Variants in SLC25A48 observed in about 807,000 individuals in gnomAD.
The protein encoded by SLC25A48 is solute carrier family 25 member 48, also known as CTC-321K16.1.
A neutral mutation model predicts 32.2 loss-of-function variants in SLC25A48; 29 were observed. That is an observed-to-expected ratio of 0.90 (90% CI 0.67 to 1.23). The LOEUF (loss-of-function observed/expected upper bound fraction) is 1.23, where lower values mean the gene tolerates loss of function less well. Among genes scored for constraint, SLC25A48 ranks in the 50% most tolerant of loss-of-function variants. SLC25A48 has a pLI of 0.00. For synonymous variants in SLC25A48, 164 were observed against 172.3 expected (o/e 0.95, Z 0.38); for missense variants, 399 against 422.7 (o/e 0.94, Z 0.49).
At chr5:135,647,577 C>T (rs1752994695) in intron 3 of SLC25A48, among the ~76,000 whole-genome samples, 1 of 152,180 alleles carries the variant, frequency 6.6e-6, no homozygotes, top group African/African-American at 2.4e-5. Context: ...CAGTGCTCTA[C>T]CCACCCTCAG....
At chr5:135,653,521 G>C (rs1017001452) in intron 3 of SLC25A48, among the ~76,000 whole-genome samples, 1 of 152,184 alleles carries the variant, frequency 6.6e-6, no homozygotes, top group Non-Finnish European at 1.5e-5. Context: ...ACTAAGCATG[G>C]GGAAGCACAG....
At chr5:135,668,971 G>A (rs565067823) in intron 3 of SLC25A48, among the ~76,000 whole-genome samples, 2 of 152,308 alleles carry the variant, frequency 1.3e-5, no homozygotes, top group South Asian at 4.1e-4. Flanking sequence ...GGCAGGACAA[G>A]TGTTTGGGTT....
intron 7 of SLC25A48, among the ~76,000 whole-genome samples, chr5:135,887,777 C>T (rs1009123523): frequency 2.0e-5 from 3 of 152,072 alleles, no homozygotes; most frequent in Non-Finnish European, 4.4e-5. Context: ...CATCAGCCAC[C>T]TGTGCTCTTG....
chr5:135,622,274 C>T (rs73789295), intron 1 of SLC25A48, among the ~76,000 whole-genome samples: 1 of 152,138 alleles, frequency 6.6e-6, no homozygotes, highest in Non-Finnish European at 1.5e-5. Flanking sequence ...TATCAAGAGC[C>T]TGAAAAATAT....
chr5:135,795,429 C>G (rs545461123), intron 3 of SLC25A48, among the ~76,000 whole-genome samples: 2 of 151,758 alleles, frequency 1.3e-5, no homozygotes, highest in Non-Finnish European at 2.9e-5. Context: ...GATATTGTTC[C>G]TAATATCCAG....
intron 3 of SLC25A48, among the ~76,000 whole-genome samples, chr5:135,773,044 G>C (rs75875287): frequency 1.4e-5 from 2 of 145,962 alleles, no homozygotes; most frequent in Non-Finnish European, 3.0e-5. Context: ...TACACTTCCC[G>C]GTAATATTGT....
intron 1 of SLC25A48, among the ~76,000 whole-genome samples, chr5:135,841,419 A>T (rs1758975329): frequency 6.6e-6 from 1 of 152,114 alleles, no homozygotes; most frequent in Non-Finnish European, 1.5e-5. Flanking sequence ...TGTGTAGGGG[A>T]GTTAGAGATA....
intron 3 of SLC25A48, among the ~76,000 whole-genome samples, chr5:135,705,885 A>T (rs975512064): frequency 2.0e-5 from 3 of 152,152 alleles, no homozygotes; most frequent in Non-Finnish European, 4.4e-5. Context: ...CCATCTGGCC[A>T]CACTGGCAGG....
At chr5:135,682,400 A>C (rs1047077742) in intron 3 of SLC25A48, among the ~76,000 whole-genome samples, 4 of 152,136 alleles carry the variant, frequency 2.6e-5, no homozygotes, top group African/African-American at 9.7e-5. Flanking sequence ...GGTACTTTTC[A>C]ACCTGGCCAA....
At chr5:135,836,269 T>C (rs1758497762) in intron 1 of SLC25A48, among the ~76,000 whole-genome samples, 1 of 152,152 alleles carries the variant, frequency 6.6e-6, no homozygotes, top group African/African-American at 2.4e-5. Context: ...TAGGGGATTT[T>C]TGTGCTTTAT....
At chr5:135,861,428 A>T (rs1373481814) in intron 4 of SLC25A48, among the ~76,000 whole-genome samples, 5 of 152,140 alleles carry the variant, frequency 3.3e-5, no homozygotes, top group African/African-American at 1.2e-4. Context: ...AACCCAAAAA[A>T]GGTTAGACAG....
intron 2 of SLC25A48, among the ~76,000 whole-genome samples, chr5:135,847,766 A>G (rs1759539739): frequency 6.6e-6 from 1 of 152,202 alleles, no homozygotes; most frequent in Admixed American, 6.5e-5. Context: ...ATTCTCCTCA[A>G]GAGCCTCCCG....
At chr5:135,878,890 C>T (rs183740903) in intron 6 of SLC25A48, among the ~76,000 whole-genome samples, 4 of 152,290 alleles carry the variant, frequency 2.6e-5, no homozygotes, top group African/African-American at 9.6e-5. Flanking sequence ...TCCCCCTCTC[C>T]AAAGCTTTTA....
intron 3 of SLC25A48, among the ~76,000 whole-genome samples, chr5:135,703,535 C>A (rs1224736824): frequency 6.6e-6 from 1 of 152,174 alleles, no homozygotes; most frequent in African/African-American, 2.4e-5. Context: ...GCCTGGCATC[C>A]TACCACCCAC....
intron 3 of SLC25A48, among the ~76,000 whole-genome samples, chr5:135,746,941 C>G (rs1755654792): frequency 6.6e-6 from 1 of 151,810 alleles, no homozygotes; most frequent in African/African-American, 2.4e-5. Flanking sequence ...CTTGATTTGT[C>G]TGATCCTCTC....
intron 3 of SLC25A48, among the ~76,000 whole-genome samples, chr5:135,636,356 G>A (rs116460511): frequency 0.01 from 1,596 of 152,302 alleles, 33 homozygotes; most frequent in African/African-American, 0.037. Context: ...CCATGAGAGA[G>A]GGGCAGAGAA....
At chr5:135,801,207 A>T in intron 3 of SLC25A48, among the ~76,000 whole-genome samples, 1 of 150,222 alleles carries the variant, frequency 6.7e-6, no homozygotes, top group East Asian at 2.0e-4. Context: ...GTAGGGGATG[A>T]TATTACTCCC....
intron 1 of SLC25A48, among the ~76,000 whole-genome samples, chr5:135,619,922 A>G (rs915192600): frequency 6.6e-6 from 1 of 152,140 alleles, no homozygotes; most frequent in Non-Finnish European, 1.5e-5. Flanking sequence ...GGGTCCCACA[A>G]TGATGTTCAC....
At chr5:135,870,976 T>C (rs1048321481) in intron 4 of SLC25A48, among the ~76,000 whole-genome samples, 2 of 151,750 alleles carry the variant, frequency 1.3e-5, no homozygotes, top group Non-Finnish European at 2.9e-5. Context: ...GCGGTAGAGC[T>C]AGGATTTGCA....
Sources: gnomAD v4.1 joint callset for allele counts (sites outside exome capture counted in the v4.1 genomes callset) on GRCh38, gnomAD v4.1.1 for gene constraint, MANE v1.5 for transcripts, NCBI Gene and HGNC (gene_info 2026-07-23, HGNC 2026-07-21) for gene names.